Variants in FANCA observed in about 807,000 individuals in gnomAD.
FANCA encodes the protein Fanconi anemia group A protein.
FANCA carries 236 observed loss-of-function variants against 194.3 expected under a neutral mutation model. The ratio of observed to expected loss-of-function variants is 1.21; its 90% CI spans 1.09 to 1.35. FANCA has a LOEUF of 1.35. FANCA is among the 40% of genes most tolerant of loss of function. The probability of loss-of-function intolerance (pLI) is 0.00; values close to 1 mark genes in which losing one functional copy is unlikely to be tolerated. For synonymous variants in FANCA, 1,014 were observed against 715.8 expected (o/e 1.42, Z -6.65); for missense variants, 2,628 against 1,813.9 (o/e 1.45, Z -8.15).
chr16:89,752,234 A>C lies in FANCA; in HGVS notation c.2982-12T>G. ...CATAACTCCTTGAGCTGAAATGAAA[A>C]TACAATAAAATCCTCCTCAGTATCG... On this transcript the variant is annotated splice_polypyrimidine_tract_variant and intron_variant, in intron 30 of 42. Coordinates refer to ENST00000389301, the MANE Select transcript of FANCA (RefSeq NM_000135.4). The C allele has an allele frequency of 6.2e-7, 1 of 1,609,520 alleles. No individual in the cohort carries two copies. The highest frequency in any genetic ancestry group is 1.1e-5 in the South Asian group (1 of 91,004).
intron 19 of FANCA, 24 bp from the exon 20 acceptor site, chr16:89,778,874 G>T: frequency 6.2e-7 from 1 of 1,613,892 alleles, no homozygotes; most frequent in Non-Finnish European, 8.5e-7. Context: ...AGAGACCTGT[G>T]AGAGACTGAC....
intron 17 of FANCA, among the ~76,000 whole-genome samples, chr16:89,780,643 C>T (rs534743183): frequency 2.0e-5 from 3 of 150,714 alleles, no homozygotes; most frequent in South Asian, 2.1e-4. Context: ...AAAAAACATT[C>T]TGAGGCCAGG....
In FANCA at chr16:89,776,336, T is replaced by G. The variant is rs1270031185; in HGVS notation, c.1827-521A>C. On this transcript the variant is annotated intron_variant, in intron 20 of 42. Coordinates refer to ENST00000389301, the MANE Select transcript of FANCA (RefSeq NM_000135.4). Reference sequence around the variant, plus strand: ...GCGCCTGCCACCAGGCCCAGCTAATTTTTTGTATTTTTAGTAGAGACGGAG... The same window carrying G: ...GCGCCTGCCACCAGGCCCAGCTAATGTTTTGTATTTTTAGTAGAGACGGAG... 6.6e-5 allele frequency among the ~76,000 whole-genome samples: 10 copies of G among 150,804 alleles called. No individual in the cohort carries two copies. The South Asian group carries it at 2.1e-3, about 32-fold the overall frequency.
intron 22 of FANCA, among the ~76,000 whole-genome samples, chr16:89,772,725 G>C (rs538694752): frequency 3.3e-5 from 5 of 150,016 alleles, no homozygotes; most frequent in Non-Finnish European, 7.4e-5. Context: ...AGGCTGAGGC[G>C]GGAGAATTGC....
At position 89,773,223 on chromosome 16, in the gene FANCA, C is replaced by T. The variant is rs1459931639; in HGVS notation, c.2014+48G>A. ...AATGGCCCAGCCACAGAGCTCCAAC[C>T]ACAGGCTGCACACATGAGACACAGC... On this transcript the variant is annotated intron_variant, in intron 22 of 42. Coordinates refer to ENST00000389301, the MANE Select transcript of FANCA (RefSeq NM_000135.4). 9.0e-6 allele frequency: 13 copies of T among 1,438,616 alleles called. No individual in the cohort carries two copies. The Admixed American group carries it at 2.6e-4, about 28-fold the overall frequency. 89.1% of individuals were successfully genotyped at this position (1,438,616 alleles called of 1,614,324 possible). A position where few individuals can be genotyped will look rare whatever the true frequency, so the allele number is the denominator to read the frequency against.
rs770851522 is a variant in FANCA, at chr16:89,784,863, C to G, written c.1461G>C (p.Arg487=). The G allele has an allele frequency of 6.2e-7, 1 of 1,612,888 alleles. No individual in the cohort carries two copies. The highest frequency in any genetic ancestry group is 2.2e-5 in the East Asian group (1 of 44,888). The part of the protein sequence containing the change: ...LSELVPFESP[R]YLQVHILHPP... ...GCAGCCAGCTTCTCACCTGCAGGTA[C>G]CGGGGAGACTCAAAAGGCACGAGTT... Residue 487 remains arginine, a synonymous_variant, in exon 15 of 43, where the codon CGG becomes CGC. Coordinates refer to ENST00000389301, the MANE Select transcript of FANCA (RefSeq NM_000135.4).
chr16:89,737,571 T>G lies in FANCA; in HGVS notation c.*1030A>C. The G allele has an allele frequency of 3.1e-6, 2 of 648,232 alleles. No homozygotes were observed. The highest frequency in any genetic ancestry group is 1.8e-5 in the African/African-American group (1 of 54,134). 40.2% of individuals were successfully genotyped at this position (648,232 alleles called of 1,614,324 possible). ...TGGTTAAGGAAATAGCTTTCTGAGG[T>G]TTCTTTAAAAACCATCCTGAAATGC... is the stretch of plus-strand genomic sequence containing the variant. On this transcript the variant is annotated 3_prime_UTR_variant, in exon 43 of 43. Transcript: ENST00000389301.
At chr16:89,792,996 A>G (rs1459059908) in intron 11 of FANCA, among the ~76,000 whole-genome samples, 1 of 152,196 alleles carries the variant, frequency 6.6e-6, no homozygotes. Context: ...TCTAGAAGGC[A>G]GAGCCAGGTG....
chr16:89,794,654 G>A (rs772060986), intron 11 of FANCA, among the ~76,000 whole-genome samples: 3 of 152,220 alleles, frequency 2.0e-5, no homozygotes, highest in Non-Finnish European at 2.9e-5. Flanking sequence ...GCACCTCACA[G>A]CACCTGTTGG....
At chr16:89,770,710 GC>G in intron 23 of FANCA, 76 bp from the exon 24 acceptor site, 1 of 1,276,858 alleles carries the variant, frequency 7.8e-7, no homozygotes, top group Admixed American at 2.0e-5. Flanking sequence ...CAGCGCTCCC[GC>G]CACAGACATC....
At chr16:89,743,681 G>C (rs942869319) in intron 36 of FANCA, among the ~76,000 whole-genome samples, 1 of 151,988 alleles carries the variant, frequency 6.6e-6, no homozygotes, top group Non-Finnish European at 1.5e-5. Context: ...AAATTAGCCA[G>C]GCATGGTGGC....
chr16:89,787,480 A>C (rs1268920370), intron 14 of FANCA, among the ~76,000 whole-genome samples: 1 of 152,134 alleles, frequency 6.6e-6, no homozygotes, highest in East Asian at 1.9e-4. Flanking sequence ...AGGTCGCACC[A>C]CTGCACTCCA....
rs141117933 is a variant in FANCA, at chr16:89,792,276, G to A, written c.1083+195C>T. Among the ~76,000 whole-genome samples the A allele has an allele frequency of 3.5e-3, 529 of 152,272 alleles. 5 individuals carry two copies. Among genetic ancestry groups the A allele is most frequent in the South Asian group, 0.016 (78 of 4,826 alleles). ...TGGAGAGAATTCTCCCTATCTCAAG[G>A]AGGAGGGGCTCGGCCCAAGGGACAA... On this transcript the variant is annotated intron_variant, in intron 12 of 42. Transcript: ENST00000389301.
chr16:89,738,032 C>T lies in FANCA; in HGVS notation c.*569G>A. On this transcript the variant is annotated 3_prime_UTR_variant, in exon 43 of 43. Coordinates refer to ENST00000389301, the MANE Select transcript of FANCA (RefSeq NM_000135.4). The stretch of plus-strand genomic sequence containing the variant: ...CGGGCATCCCTCAAGTACCACATGA[C>T]CAAACACAAGGCTGAGACTGAGCTG... 2 of 1,614,144 alleles carry T rather than the reference C, an allele frequency of 1.2e-6. No homozygotes were observed. Among genetic ancestry groups the T allele is most frequent in the East Asian group, 2.2e-5 (1 of 44,882 alleles).
rs200232122 is a variant in FANCA at position 89,749,719 on chromosome 16, G to C, written c.3239+11C>G. ...GTGGTGCTGCCCTGCCCAGGTGGTA[G>C]TAGGTGTTACCGTTTGTACATTAGC... is the stretch of plus-strand genomic sequence containing the variant. On this transcript the variant is annotated intron_variant, in intron 32 of 42. Coordinates refer to ENST00000389301, the MANE Select transcript of FANCA (RefSeq NM_000135.4). 5.4e-5 allele frequency: 87 copies of C among 1,612,402 alleles called. No homozygotes were observed. Among genetic ancestry groups the C allele is most frequent in the Admixed American group, 2.3e-4 (14 of 59,702 alleles).
chr16:89,815,168 C>T (rs1598200818), intron 2 of FANCA, among the ~76,000 whole-genome samples: 1 of 151,976 alleles, frequency 6.6e-6, no homozygotes, highest in East Asian at 2.0e-4. Flanking sequence ...TCCTGAGCAG[C>T]TGGGATTACA....
At chr16:89,768,764 G>A (rs977490361) in intron 26 of FANCA, among the ~76,000 whole-genome samples, 3 of 152,150 alleles carry the variant, frequency 2.0e-5, no homozygotes, top group Non-Finnish European at 4.4e-5. Context: ...ACCGAGTTCA[G>A]TATTTTGCTT....
rs1388498490 is a variant in FANCA, at chr16:89,782,888, C to T, written c.1597G>A (p.Asp533Asn). 8.7e-6 allele frequency: 14 copies of T among 1,614,152 alleles called. No individual in the cohort carries two copies. The highest frequency in any genetic ancestry group is 1.2e-5 in the Non-Finnish European group (14 of 1,179,996). ...VSIENMGLYE[D>N]LSSAGDITEP... The stretch of plus-strand genomic sequence containing the variant: ...GTAATGTCCCCAGCTGATGACAAAT[C>T]CTCGTAGAGTCCCATGTTTTCTATA... Residue 533 changes from aspartate to asparagine, a missense_variant, in exon 17 of 43, where the codon GAT becomes AAT. Asp to Asn is a conservative substitution (Grantham distance 23). Transcript: ENST00000389301.
chr16:89,796,708 T>C (rs551941292), intron 10 of FANCA, among the ~76,000 whole-genome samples: 5 of 152,290 alleles, frequency 3.3e-5, no homozygotes, highest in Non-Finnish European at 7.4e-5. Context: ...CGGCACTTTA[T>C]GCCGATTCCC....
Sources: gnomAD v4.1 joint callset for allele counts (sites outside exome capture counted in the v4.1 genomes callset) on GRCh38, gnomAD v4.1.1 for gene constraint, MANE v1.5 for transcripts, NCBI Gene and HGNC (gene_info 2026-07-23, HGNC 2026-07-21) for gene names.